Variants in IRAG2 observed in about 807,000 individuals in gnomAD.
The protein encoded by IRAG2 is inositol 1,4,5-triphosphate receptor associated 2.
A neutral mutation model predicts 69.9 loss-of-function variants in IRAG2; 45 were observed. That is an observed-to-expected ratio of 0.64 (90% CI 0.51 to 0.83). IRAG2 has a LOEUF of 0.83. Ranked by LOEUF, IRAG2 falls within the 40% of genes least tolerant of loss-of-function variation. The pLI is 0.00. For missense variants in IRAG2, 520 were observed against 587.0 expected (o/e 0.89, Z 1.18); for synonymous variants, 193 against 202.4 (o/e 0.95, Z 0.40).
intron 2 of IRAG2, chr12:25,006,413 A>G (rs1324342244): frequency 1.3e-5 from 2 of 152,240 alleles, no homozygotes; most frequent in African/African-American, 4.8e-5. Flanking sequence ...CCTGAAAGAC[A>G]TATGCACTTA....
At chr12:25,098,466 C>T (rs1948556402) in intron 15 of IRAG2, among the ~76,000 whole-genome samples, 1 of 152,204 alleles carries the variant, frequency 6.6e-6, no homozygotes, top group Non-Finnish European at 1.5e-5. Flanking sequence ...TCCTTACACA[C>T]TCCCTTGCTC....
intron 15 of IRAG2, among the ~76,000 whole-genome samples, chr12:25,037,345 C>G (rs931349191): frequency 6.6e-6 from 1 of 152,192 alleles, no homozygotes; most frequent in Non-Finnish European, 1.5e-5. Flanking sequence ...GTTGCCCAAG[C>G]TGGAGGGCAG....
exon 1 of IRAG2, chr12:25,004,424 G>A: frequency 3.2e-6 from 4 of 1,232,094 alleles, no homozygotes; most frequent in Non-Finnish European, 4.0e-6. Context: ...ATCCACAAGA[G>A]AGAAGCAATT....
chr12:25,104,690 G>T (rs1166039428), intron 20 of IRAG2, among the ~76,000 whole-genome samples: 2 of 152,130 alleles, frequency 1.3e-5, no homozygotes, highest in African/African-American at 4.8e-5. Context: ...AGTTAGAAAA[G>T]ACCCTGGAGT....
At chr12:25,064,236 C>T (rs1591980154) in intron 4 of IRAG2, among the ~76,000 whole-genome samples, 1 of 152,104 alleles carries the variant, frequency 6.6e-6, no homozygotes, top group Non-Finnish European at 1.5e-5. Flanking sequence ...TAGAGTTGAA[C>T]TGGCCTTGAA....
chr12:25,059,081 A>G (rs1945442222), intron 1 of IRAG2, among the ~76,000 whole-genome samples: 1 of 152,230 alleles, frequency 6.6e-6, no homozygotes, highest in Admixed American at 6.5e-5. Flanking sequence ...ACAATCTTAT[A>G]CTAGCTCATC....
intron 14 of IRAG2, chr12:25,035,814 G>T: frequency 2.5e-6 from 1 of 398,912 alleles, no homozygotes; most frequent in Non-Finnish European, 4.4e-6. Context: ...CTTTATCATG[G>T]TGTTCCGTTT....
chr12:25,020,895 G>A (rs1280816036), exon 7 of IRAG2: 2 of 1,229,254 alleles, frequency 1.6e-6, no homozygotes, highest in Non-Finnish European at 2.0e-6. Context: ...TTGTAGCCCA[G>A]AGCAAACAAT....
intron 2 of IRAG2, among the ~76,000 whole-genome samples, chr12:25,009,072 G>GT (rs1443539881): frequency 6.6e-6 from 1 of 152,182 alleles, no homozygotes; most frequent in African/African-American, 2.4e-5. Context: ...GGAAACCAAG[G>GT]TGGGAAGATC....
chr12:25,076,153 A>G (rs1180695168), intron 6 of IRAG2, among the ~76,000 whole-genome samples: 1 of 152,180 alleles, frequency 6.6e-6, no homozygotes, highest in African/African-American at 2.4e-5. Context: ...AACTTGTGAA[A>G]ACTTAGGATT....
At chr12:25,031,658 G>A (rs1944668470) in intron 10 of IRAG2, among the ~76,000 whole-genome samples, 1 of 152,024 alleles carries the variant, frequency 6.6e-6, no homozygotes, top group African/African-American at 2.4e-5. Flanking sequence ...GTGTGTGTGT[G>A]TGTTTGTTTT....
chr12:25,056,874 G>A (rs1418389360), intron 1 of IRAG2, among the ~76,000 whole-genome samples: 1 of 152,132 alleles, frequency 6.6e-6, no homozygotes, highest in Non-Finnish European at 1.5e-5. Flanking sequence ...ATTAAAATAA[G>A]TGTCTGCACC....
chr12:25,027,198 C>T (rs893084193), intron 9 of IRAG2, among the ~76,000 whole-genome samples: 1 of 152,008 alleles, frequency 6.6e-6, no homozygotes, highest in Non-Finnish European at 1.5e-5. Flanking sequence ...ATCCCTTTTA[C>T]CATCCCCCAC....
At chr12:25,062,710 T>C (rs2139978344) in intron 2 of IRAG2, 110 bp from the exon 3 acceptor site, 1 of 396,280 alleles carries the variant, frequency 2.5e-6, no homozygotes, top group Non-Finnish European at 4.4e-6. Flanking sequence ...ACTTGTCAAT[T>C]TCACCCACTT....
chr12:25,056,368 G>C (rs773672537), intron 1 of IRAG2, among the ~76,000 whole-genome samples: 1 of 152,098 alleles, frequency 6.6e-6, no homozygotes, highest in Non-Finnish European at 1.5e-5. Context: ...GATAGGATAG[G>C]GACCCAAGTT....
At chr12:25,083,631 T>A in intron 10 of IRAG2, 138 bp downstream of exon 10, 1 of 570,160 alleles carries the variant, frequency 1.8e-6, no homozygotes, top group Non-Finnish European at 3.0e-6. Context: ...TTAATTAATA[T>A]TTTATAGGCA....
intron 20 of IRAG2, among the ~76,000 whole-genome samples, chr12:25,106,467 A>G (rs954680348): frequency 4.0e-5 from 5 of 124,686 alleles, no homozygotes; most frequent in African/African-American, 1.2e-4. Context: ...TATATTATAT[A>G]TAAATATGTG....
chr12:25,064,239 G>T (rs1308652420), intron 4 of IRAG2, among the ~76,000 whole-genome samples: 3 of 152,174 alleles, frequency 2.0e-5, no homozygotes, highest in African/African-American at 4.8e-5. Context: ...AGTTGAACTG[G>T]CCTTGAAAGA....
At chr12:25,063,627 G>A in intron 3 of IRAG2, 93 bp from the exon 4 acceptor site, 1 of 397,810 alleles carries the variant, frequency 2.5e-6, no homozygotes, top group Non-Finnish European at 4.4e-6. Context: ...TGAGACTAGT[G>A]ATATTCTTTC....
Sources: gnomAD v4.1 joint callset for allele counts (sites outside exome capture counted in the v4.1 genomes callset) on GRCh38, gnomAD v4.1.1 for gene constraint, MANE v1.5 for transcripts, NCBI Gene and HGNC (gene_info 2026-07-23, HGNC 2026-07-21) for gene names.